The following CATSPERB variants were observed in gnomAD, a reference collection of about 807,000 sequenced individuals.
The protein encoded by CATSPERB is catsper channel auxiliary subunit beta.
A neutral mutation model predicts 128.3 loss-of-function variants in CATSPERB; 93 were observed. The ratio of observed to expected loss-of-function variants is 0.72; its 90% CI spans 0.61 to 0.86. CATSPERB has a LOEUF of 0.86. CATSPERB is among the 40% of genes least tolerant of loss of function. CATSPERB has a pLI of 0.00. For missense variants in CATSPERB, 1,153 were observed against 1,329.5 expected (o/e 0.87, Z 2.06); for synonymous variants, 381 against 448.8 (o/e 0.85, Z 1.91).
intron 6 of CATSPERB, among the ~76,000 whole-genome samples, chr14:91,705,546 C>T (rs1262230709): frequency 1.3e-5 from 2 of 152,264 alleles, no homozygotes; most frequent in Non-Finnish European, 2.9e-5. Flanking sequence ...ACCAGGCCTT[C>T]CAGAATCTGA....
intron 5 of CATSPERB, among the ~76,000 whole-genome samples, chr14:91,708,839 TTAAAC>T (rs1361494306): frequency 5.3e-5 from 8 of 152,246 alleles, no homozygotes; most frequent in Admixed American, 3.9e-4. Flanking sequence ...AAAATCAAGA[TTAAAC>T]TATATGTTAT....
intron 15 of CATSPERB, among the ~76,000 whole-genome samples, chr14:91,657,189 A>T (rs919107762): frequency 3.3e-5 from 5 of 152,076 alleles, no homozygotes; most frequent in Admixed American, 2.0e-4. Flanking sequence ...GACCTAATAG[A>T]TATTTGCAGA....
chr14:91,704,606 G>A lies in CATSPERB; in HGVS notation c.562C>T (p.Pro188Ser). The part of the protein sequence containing the change: ...HVVDLKVTKC[P>S]CANDVALLGF... ...AGTAATGCCACATCATTGGCACAGGGGCATTTTGTCACTTTGAGATCTACC... is the reference window on the plus strand; with the variant it reads ...AGTAATGCCACATCATTGGCACAGGAGCATTTTGTCACTTTGAGATCTACC... Residue 188 changes from proline to serine, a missense_variant, in exon 7 of 27, where the codon CCC becomes TCC. Transcript: ENST00000256343. 6.2e-7 allele frequency: 1 copy of A among 1,611,870 alleles called. No individual in the cohort carries two copies. The highest frequency in any genetic ancestry group is 1.1e-5 in the South Asian group (1 of 90,904).
intron 22 of CATSPERB, among the ~76,000 whole-genome samples, chr14:91,605,652 A>G (rs1205149250): frequency 6.6e-6 from 1 of 152,178 alleles, no homozygotes; most frequent in East Asian, 1.9e-4. Context: ...TGTCAGAGAC[A>G]CTGAGCCTTT....
chr14:91,638,843 T>C (rs970983277), intron 16 of CATSPERB, among the ~76,000 whole-genome samples: 4 of 152,170 alleles, frequency 2.6e-5, no homozygotes, highest in African/African-American at 4.8e-5. Flanking sequence ...TGTTTAGTGG[T>C]GTTCTGCTGC....
intron 2 of CATSPERB, among the ~76,000 whole-genome samples, chr14:91,726,563 T>G (rs1305340587): frequency 6.6e-6 from 1 of 152,196 alleles, no homozygotes; most frequent in Non-Finnish European, 1.5e-5. Flanking sequence ...TCATCTAGGT[T>G]CCTGTCCTCA....
chr14:91,586,214 TC>T (rs1175826573), intron 26 of CATSPERB, among the ~76,000 whole-genome samples: 2 of 152,148 alleles, frequency 1.3e-5, no homozygotes, highest in Non-Finnish European at 1.5e-5. Flanking sequence ...CATAGAGATG[TC>T]CCCCCATGCT....
In CATSPERB at chr14:91,693,222, C is replaced by T; in HGVS notation, c.735G>A (p.Val245=). The T allele has an allele frequency of 1.2e-6, 2 of 1,613,146 alleles. No individual in the cohort carries two copies. The highest frequency in any genetic ancestry group is 3.3e-5 in the Admixed American group (2 of 59,944). Residue 245 remains valine, a synonymous_variant, in exon 9 of 27, where the codon GTG becomes GTA. Transcript: ENST00000256343. ...AAAAATGATTCGTTAAAACCATATCCACCAATGAAAGGTCTTCATATTCTA... is the reference window on the plus strand; with the variant it reads ...AAAAATGATTCGTTAAAACCATATCTACCAATGAAAGGTCTTCATATTCTA... ...LQEEYEDLSL[V]DMVLTNHFLV...
Position 91,674,217 on chromosome 14 carries a change from A to C in CATSPERB, c.937T>G (p.Tyr313Asp). Residue 313 changes from tyrosine (Y) to aspartate (D), a missense_variant, in exon 12 of 27, where the codon TAT (tyrosine) becomes GAT (aspartate). Transcript: ENST00000256343. Reference sequence around the variant, plus strand: ...TTTCTCTCAAAGGTAACTGTAACATAATCAACTGTGAAATAAATACAAGGG... The same window carrying C: ...TTTCTCTCAAAGGTAACTGTAACATCATCAACTGTGAAATAAATACAAGGG... ...FANREHFEVD[Y>D]VTVTFERNRT... The C allele has an allele frequency of 1.9e-6, 3 of 1,538,462 alleles. No individual in the cohort carries two copies. Among genetic ancestry groups the C allele is most frequent in the Non-Finnish European group, 2.7e-6 (3 of 1,120,056 alleles).
intron 4 of CATSPERB, among the ~76,000 whole-genome samples, chr14:91,722,470 T>C (rs1027966068): frequency 1.3e-5 from 2 of 152,096 alleles, no homozygotes; most frequent in African/African-American, 2.4e-5. Flanking sequence ...AACAGAAAGA[T>C]TAGTGGTTGT....
chr14:91,630,561 A>G (rs780322622), intron 17 of CATSPERB, among the ~76,000 whole-genome samples: 3 of 152,190 alleles, frequency 2.0e-5, no homozygotes, highest in Admixed American at 6.5e-5. Flanking sequence ...TCTAGCTACA[A>G]ACCACAAACC....
intron 26 of CATSPERB, among the ~76,000 whole-genome samples, chr14:91,586,242 C>T (rs145359305): frequency 6.5e-4 from 99 of 152,292 alleles, no homozygotes; most frequent in Middle Eastern, 3.4e-3. Flanking sequence ...TCTTAGAGGT[C>T]CTTTCCCTTG....
chr14:91,627,242 C>T (rs1894181372), intron 17 of CATSPERB, among the ~76,000 whole-genome samples: 1 of 152,094 alleles, frequency 6.6e-6, no homozygotes, highest in African/African-American at 2.4e-5. Context: ...CTGAAATATC[C>T]TGTCAAGAGA....
At chr14:91,691,682 A>T (rs1419220593) in intron 9 of CATSPERB, 127 bp from the exon 10 acceptor site, 1 of 648,780 alleles carries the variant, frequency 1.5e-6, no homozygotes, top group Non-Finnish European at 2.5e-6. Flanking sequence ...TAACTAAATT[A>T]TATGTTTTTT....
At chr14:91,640,986 G>C (rs1894486763) in intron 15 of CATSPERB, among the ~76,000 whole-genome samples, 1 of 148,308 alleles carries the variant, frequency 6.7e-6, no homozygotes, top group Admixed American at 6.7e-5. Context: ...CTGATGGCCA[G>C]TGATGATGAG....
chr14:91,639,616 C>A (rs1223318000), intron 15 of CATSPERB, among the ~76,000 whole-genome samples: 4 of 152,084 alleles, frequency 2.6e-5, no homozygotes, highest in African/African-American at 9.7e-5. Flanking sequence ...GAAGGCAAGG[C>A]GAATCATCAG....
At chr14:91,596,806 C>T (rs1432368470) in intron 22 of CATSPERB, among the ~76,000 whole-genome samples, 2 of 152,084 alleles carry the variant, frequency 1.3e-5, no homozygotes, top group Admixed American at 6.5e-5. Context: ...ATAATTTTTA[C>T]ACCAAAATAA....
chr14:91,611,035 C>T (rs759230468), intron 20 of CATSPERB, among the ~76,000 whole-genome samples: 18 of 152,124 alleles, frequency 1.2e-4, no homozygotes, highest in Non-Finnish European at 2.5e-4. Flanking sequence ...GCCACTAGAA[C>T]TGTAAGAAAA....
chr14:91,712,814 G>A (rs752744621), intron 5 of CATSPERB, among the ~76,000 whole-genome samples: 5 of 152,060 alleles, frequency 3.3e-5, no homozygotes, highest in Admixed American at 6.6e-5. Context: ...TCAGTCATAC[G>A]GGGACAATTT....
Sources: allele counts gnomAD v4.1 joint callset (sites outside exome capture counted in the v4.1 genomes callset), GRCh38; gene constraint gnomAD v4.1.1; transcripts MANE v1.5; gene names NCBI Gene and HGNC (gene_info 2026-07-23, HGNC 2026-07-21).